The following ANXA3 variants were observed in gnomAD, a reference collection of about 807,000 sequenced individuals.
The protein encoded by ANXA3 is annexin A3, also known as 35-alpha calcimedin.
In ANXA3, 46 loss-of-function variants were observed where a neutral mutation model predicts 48.8. The observed-to-expected ratio is 0.94, with a 90% CI of 0.74 to 1.21. The LOEUF (loss-of-function observed/expected upper bound fraction) is 1.21. ANXA3 is among the 50% of genes most tolerant of loss of function. The pLI, the probability that ANXA3 is intolerant of heterozygous loss-of-function variation, is 0.00. For missense variants in ANXA3, 383 were observed against 378.6 expected, an observed-to-expected ratio of 1.01 and a Z score of -0.10; for synonymous variants, 128 against 134.7, an observed-to-expected ratio of 0.95 and a Z score of 0.35.
At chr4:78,569,437 T>A (rs1182450109) in intron 2 of ANXA3, among the ~76,000 whole-genome samples, 1 of 152,236 alleles carries the variant, frequency 6.6e-6, no homozygotes, top group Non-Finnish European at 1.5e-5. Flanking sequence ...CAGTCCTGTT[T>A]GGCTGTAAAA....
intron 2 of ANXA3, among the ~76,000 whole-genome samples, chr4:78,559,341 C>T (rs567167185): frequency 2.4e-4 from 37 of 152,136 alleles, no homozygotes; most frequent in Non-Finnish European, 4.3e-4. Flanking sequence ...CATTGGCCTT[C>T]GGAAGTGTTG....
At chr4:78,560,767 C>A (rs1181832567) in intron 2 of ANXA3, among the ~76,000 whole-genome samples, 1 of 152,134 alleles carries the variant, frequency 6.6e-6, no homozygotes. Context: ...CCATGAGTCA[C>A]CCCAATTGCA....
chr4:78,567,901 C>A (rs1166090367), intron 2 of ANXA3, among the ~76,000 whole-genome samples: 1 of 152,204 alleles, frequency 6.6e-6, no homozygotes, highest in African/African-American at 2.4e-5. Context: ...AACAATCCTT[C>A]ATGTTTTGAA....
At chr4:78,580,808 T>C (rs1405289781) in intron 4 of ANXA3, among the ~76,000 whole-genome samples, 1 of 152,250 alleles carries the variant, frequency 6.6e-6, no homozygotes, top group Non-Finnish European at 1.5e-5. Flanking sequence ...ATAAGGACTT[T>C]GTCTAACTTA....
chr4:78,551,864 G>A lies in ANXA3; in HGVS notation c.-39+5G>A, dbSNP rs998550101. 1 of 152,330 alleles carries A rather than the reference G, an allele frequency of 6.6e-6. No homozygotes were observed. Among genetic ancestry groups the A allele is most frequent in the African/African-American group, 2.4e-5 (1 of 41,472 alleles). The allele number at this position is 152,330 out of a possible 1,614,324, so 9.4% of individuals were successfully genotyped here. ...GTTTCCCCCACCGCGCTTTGGGTAA[G>A]TTCAGCCTCCCGGCGCGTCCCCGCG... On this transcript the variant is annotated splice_donor_5th_base_variant and intron_variant, in intron 1 of 12. Transcript: ENST00000264908.
intron 1 of ANXA3, among the ~76,000 whole-genome samples, chr4:78,554,220 C>T (rs1315196575): frequency 6.6e-6 from 1 of 152,106 alleles, no homozygotes; most frequent in Admixed American, 6.5e-5. Context: ...TCTTGAAGTC[C>T]TCACAGGTCT....
intron 2 of ANXA3, among the ~76,000 whole-genome samples, chr4:78,570,827 G>C (rs1298845249): frequency 2.6e-5 from 4 of 152,180 alleles, no homozygotes; most frequent in Non-Finnish European, 5.9e-5. Flanking sequence ...TAACATTGGG[G>C]TAGTTCTTTT....
Position 78,595,063 on chromosome 4 carries a change from G to C in ANXA3, c.484-318G>C, listed in dbSNP as rs1192707372. On this transcript the variant is annotated intron_variant, in intron 7 of 12. Coordinates refer to ENST00000264908, the MANE Select transcript of ANXA3 (RefSeq NM_005139.3). ...GAAGCGGGAAGATGGCTTGAGCCTT[G>C]GAGTTCAAGGTTATAGTGAGCTATG... 5.9e-5 allele frequency among the ~76,000 whole-genome samples: 9 copies of C among 152,304 alleles called. No individual in the cohort carries two copies. The East Asian group carries it at 1.3e-3, about 23-fold the overall frequency.
At chr4:78,558,157 T>C (rs181562978) in intron 2 of ANXA3, among the ~76,000 whole-genome samples, 3 of 152,342 alleles carry the variant, frequency 2.0e-5, no homozygotes, top group Non-Finnish European at 2.9e-5. Context: ...AAATACTGTA[T>C]GATTTCATTG....
chr4:78,600,044 T>C (rs1346018929), intron 10 of ANXA3, among the ~76,000 whole-genome samples: 1 of 152,158 alleles, frequency 6.6e-6, no homozygotes, highest in Non-Finnish European at 1.5e-5. Flanking sequence ...GAAACACGTC[T>C]GGCAGTGGAC....
At chr4:78,601,404 GA>G (rs1723535549) in intron 10 of ANXA3, 105 bp from the exon 11 acceptor site, 1 of 987,566 alleles carries the variant, frequency 1.0e-6, no homozygotes, top group African/African-American at 1.6e-5. Flanking sequence ...GGAGGGGATA[GA>G]GTGGTATGAC....
chr4:78,588,174 G>A (rs562759390), intron 6 of ANXA3, among the ~76,000 whole-genome samples: 9 of 152,148 alleles, frequency 5.9e-5, no homozygotes, highest in Admixed American at 1.3e-4. Flanking sequence ...GGCAGATTGC[G>A]TGAGCCAAGG....
chr4:78,560,259 T>G (rs1278724786), intron 2 of ANXA3, among the ~76,000 whole-genome samples: 1 of 152,220 alleles, frequency 6.6e-6, no homozygotes, highest in East Asian at 1.9e-4. Flanking sequence ...TTCAGTCCTC[T>G]GCAAAACTGC....
intron 3 of ANXA3, among the ~76,000 whole-genome samples, chr4:78,578,639 T>C (rs1423422653): frequency 6.6e-6 from 1 of 152,076 alleles, no homozygotes; most frequent in East Asian, 1.9e-4. Context: ...GTTCCTGTTT[T>C]CCAGAGGAAG....
At chr4:78,585,286 C>G (rs895267447) in intron 5 of ANXA3, among the ~76,000 whole-genome samples, 2 of 152,150 alleles carry the variant, frequency 1.3e-5, no homozygotes, top group African/African-American at 4.8e-5. Flanking sequence ...GTGGTGGCAC[C>G]ACCATTATCA....
chr4:78,598,891 C>T (rs1723481289), intron 10 of ANXA3, among the ~76,000 whole-genome samples: 1 of 151,980 alleles, frequency 6.6e-6, no homozygotes, highest in East Asian at 1.9e-4. Context: ...ATTTGGTGTT[C>T]TTGCTAAGCC....
chr4:78,599,070 A>G (rs1335364237), intron 10 of ANXA3, among the ~76,000 whole-genome samples: 1 of 152,224 alleles, frequency 6.6e-6, no homozygotes, highest in African/African-American at 2.4e-5. Context: ...AATATGTTAC[A>G]CTTTCATTTT....
Position 78,555,711 on chromosome 4 carries a change from C to T in ANXA3, c.15+1223C>T, listed in dbSNP as rs557189509. Among the ~76,000 whole-genome samples, 31 of 149,930 alleles carry T rather than the reference C, an allele frequency of 2.1e-4. No homozygotes were observed. In the South Asian group the frequency reaches 2.3e-3, roughly 11 times the overall value. Reference sequence around the variant, plus strand: ...AAAAAAACTTTAAAAATTAGCTGAACGTTGTGGGGTGTACCCATGGTCCTA... The same window carrying T: ...AAAAAAACTTTAAAAATTAGCTGAATGTTGTGGGGTGTACCCATGGTCCTA... On this transcript the variant is annotated intron_variant, in intron 2 of 12. Transcript: ENST00000264908.
chr4:78,605,157 T>C (rs548230123), intron 12 of ANXA3, among the ~76,000 whole-genome samples: 1 of 152,304 alleles, frequency 6.6e-6, no homozygotes, highest in Admixed American at 6.5e-5. Context: ...GATGGGGTCT[T>C]GCTGTGTTGC....
Sources: gnomAD v4.1 joint callset for allele counts (sites outside exome capture counted in the v4.1 genomes callset) on GRCh38, gnomAD v4.1.1 for gene constraint, MANE v1.5 for transcripts, NCBI Gene and HGNC (gene_info 2026-07-23, HGNC 2026-07-21) for gene names.